The following SCMH1 variants were observed in gnomAD, a reference collection of about 807,000 sequenced individuals.
SCMH1 encodes the protein polycomb protein SCMH1.
In SCMH1, 37 loss-of-function variants were observed where a neutral mutation model predicts 70.8. The ratio of observed to expected loss-of-function variants is 0.52; its 90% confidence interval spans 0.40 to 0.69. The LOEUF (loss-of-function observed/expected upper bound fraction) is 0.69. SCMH1 is among the 30% of genes least tolerant of loss of function. The pLI is 0.00. For missense variants in SCMH1, 607 were observed against 827.3 expected (o/e 0.73, Z 3.27); for synonymous variants, 292 against 307.4 (o/e 0.95, Z 0.52).
chr1:41,215,951 T>G (rs1277330997), intron 1 of SCMH1, among the ~76,000 whole-genome samples: 2 of 152,144 alleles, frequency 1.3e-5, no homozygotes, highest in African/African-American at 4.8e-5. Context: ...AATATAAATG[T>G]TTCAAAGGGG....
chr1:41,031,107 C>T (rs557401222), intron 13 of SCMH1, among the ~76,000 whole-genome samples: 55 of 152,036 alleles, frequency 3.6e-4, no homozygotes, highest in South Asian at 2.1e-4. Flanking sequence ...GGCAACATTG[C>T]GAGACCCTGT....
intron 1 of SCMH1, among the ~76,000 whole-genome samples, chr1:41,197,157 G>A (rs1453821084): frequency 1.3e-5 from 2 of 152,084 alleles, no homozygotes; most frequent in Non-Finnish European, 1.5e-5. Flanking sequence ...AAAGTCAAAT[G>A]TGGAATTATC....
chr1:41,187,440 C>T (rs1016717911), intron 1 of SCMH1, among the ~76,000 whole-genome samples: 5 of 140,448 alleles, frequency 3.6e-5, no homozygotes, highest in Admixed American at 7.5e-5. Context: ...CCAACCTAGG[C>T]GACAGAGTGA....
intron 1 of SCMH1, among the ~76,000 whole-genome samples, chr1:41,231,918 A>C (rs914275208): frequency 6.6e-6 from 1 of 151,686 alleles, no homozygotes; most frequent in Admixed American, 6.6e-5. Context: ...GCTACTCAGG[A>C]GGCTGAGGCA....
intron 4 of SCMH1, among the ~76,000 whole-genome samples, chr1:41,153,042 G>A (rs1160582142): frequency 6.6e-6 from 1 of 152,208 alleles, no homozygotes; most frequent in East Asian, 1.9e-4. Context: ...GCTTCTAGTT[G>A]ACAGGGCCCT....
chr1:41,088,171 T>C (rs2148999507), intron 8 of SCMH1, among the ~76,000 whole-genome samples: 1 of 152,200 alleles, frequency 6.6e-6, no homozygotes, highest in African/African-American at 2.4e-5. Flanking sequence ...GCATGCTAAC[T>C]TTTGTGTAAG....
intron 9 of SCMH1, among the ~76,000 whole-genome samples, chr1:41,071,805 G>T (rs778190774): frequency 6.6e-6 from 1 of 152,064 alleles, no homozygotes; most frequent in Non-Finnish European, 1.5e-5. Context: ...TGGGACTACA[G>T]GTGTGTGCCA....
chr1:41,151,580 C>T (rs1171700860), intron 5 of SCMH1, 34 bp downstream of exon 5: 1 of 1,548,584 alleles, frequency 6.5e-7, no homozygotes, highest in African/African-American at 1.4e-5. Flanking sequence ...AATGACTTAT[C>T]TTCCACCTAC....
chr1:41,181,676 A>G (rs1648812155), intron 2 of SCMH1, among the ~76,000 whole-genome samples: 1 of 152,202 alleles, frequency 6.6e-6, no homozygotes, highest in Admixed American at 6.5e-5. Flanking sequence ...TTAGAATAGC[A>G]ATCATTAAAA....
chr1:41,173,411 A>C (rs12127968), intron 2 of SCMH1, among the ~76,000 whole-genome samples: 19 of 152,304 alleles, frequency 1.2e-4, no homozygotes, highest in African/African-American at 4.1e-4. Flanking sequence ...CAAAACCACA[A>C]TGAAATATCA....
chr1:41,231,092 C>T (rs924503090), intron 1 of SCMH1, among the ~76,000 whole-genome samples: 5 of 152,092 alleles, frequency 3.3e-5, no homozygotes, highest in South Asian at 2.1e-4. Flanking sequence ...AGAGGTTGGC[C>T]GTCTTTATAA....
chr1:41,238,250 A>T (rs1662794313), intron 1 of SCMH1, among the ~76,000 whole-genome samples: 1 of 152,154 alleles, frequency 6.6e-6, no homozygotes. Flanking sequence ...AATGATCATC[A>T]GAGGAAAAAA....
At chr1:41,233,731 G>A (rs1025954500) in intron 1 of SCMH1, among the ~76,000 whole-genome samples, 8 of 152,056 alleles carry the variant, frequency 5.3e-5, no homozygotes, top group African/African-American at 1.9e-4. Flanking sequence ...TGTCTTTAGG[G>A]CCTTTCACAC....
At chr1:41,075,183 C>T (rs776022564) in intron 9 of SCMH1, 36 bp downstream of exon 9, 3 of 1,603,838 alleles carry the variant, frequency 1.9e-6, no homozygotes, top group Non-Finnish European at 2.6e-6. Context: ...CTTTATAAAC[C>T]CTTATTCCTT....
At chr1:41,088,188 A>G (rs1011431068) in intron 8 of SCMH1, among the ~76,000 whole-genome samples, 2 of 152,154 alleles carry the variant, frequency 1.3e-5, no homozygotes, top group African/African-American at 4.8e-5. Context: ...TAAGAAGGGT[A>G]GGAAAACACA....
chr1:41,085,362 T>C (rs1419525872), intron 8 of SCMH1, among the ~76,000 whole-genome samples: 2 of 152,148 alleles, frequency 1.3e-5, no homozygotes, highest in Non-Finnish European at 2.9e-5. Context: ...AATAGTTTGC[T>C]ATGTGATTAA....
intron 6 of SCMH1, among the ~76,000 whole-genome samples, chr1:41,137,733 T>C (rs1432125506): frequency 1.3e-5 from 2 of 152,206 alleles, no homozygotes; most frequent in Admixed American, 6.5e-5. Context: ...TTCTCTGTCA[T>C]TGAGAGAACA....
chr1:41,201,106 A>G (rs1177668474), intron 1 of SCMH1, among the ~76,000 whole-genome samples: 1 of 152,200 alleles, frequency 6.6e-6, no homozygotes, highest in Non-Finnish European at 1.5e-5. Flanking sequence ...ATCCTCAACT[A>G]CTTGGGCCAT....
At chr1:41,192,201 T>C (rs1172625827) in intron 1 of SCMH1, among the ~76,000 whole-genome samples, 1 of 152,178 alleles carries the variant, frequency 6.6e-6, no homozygotes, top group Non-Finnish European at 1.5e-5. Context: ...ATTACTCTTT[T>C]ATTGTCTGTT....
Sources: gnomAD v4.1 joint callset for allele counts (sites outside exome capture counted in the v4.1 genomes callset) on GRCh38, gnomAD v4.1.1 for gene constraint, MANE v1.5 for transcripts, NCBI Gene and HGNC (gene_info 2026-07-23, HGNC 2026-07-21) for gene names.